FMN1: variants seen among roughly 807,000 people sequenced by gnomAD.
FMN1 encodes formin 1.
Under a neutral mutation model 132.4 loss-of-function variants are expected in FMN1, and 110 were observed. The observed-to-expected ratio is 0.83, with a 90% confidence interval of 0.71 to 0.97. The LOEUF (loss-of-function observed/expected upper bound fraction) is 0.97. Among genes scored for constraint, FMN1 ranks in the 50% least tolerant of loss-of-function variants. The probability of loss-of-function intolerance (pLI) is 0.00; values close to 1 mark genes in which losing one functional copy is unlikely to be tolerated. For synonymous variants in FMN1, 722 were observed against 651.7 expected (o/e 1.11, Z -1.64); for missense variants, 1,792 against 1,705.3 (o/e 1.05, Z -0.90).
chr15:32,914,343 G>A (rs760208218), intron 10 of FMN1, among the ~76,000 whole-genome samples: 6 of 152,140 alleles, frequency 3.9e-5, no homozygotes, highest in Non-Finnish European at 8.8e-5. Context: ...ACGTGCCAGT[G>A]AACGTAAACT....
intron 7 of FMN1, among the ~76,000 whole-genome samples, chr15:32,988,055 T>C (rs2033185677): frequency 6.7e-6 from 1 of 149,852 alleles, no homozygotes; most frequent in East Asian, 2.0e-4. Context: ...TCCAGTTTTT[T>C]TTTTTTTTTT....
intron 7 of FMN1, among the ~76,000 whole-genome samples, chr15:32,972,198 C>G (rs545126147): frequency 6.6e-6 from 1 of 152,334 alleles, no homozygotes; most frequent in African/African-American, 2.4e-5. Context: ...CCTGGCAGAT[C>G]AGAGCCCAGT....
chr15:33,152,085 C>A (rs1964460960), intron 4 of FMN1, among the ~76,000 whole-genome samples: 1 of 152,154 alleles, frequency 6.6e-6, no homozygotes, highest in Admixed American at 6.5e-5. Context: ...ATATTAGGAG[C>A]TATTCCCTAG....
chr15:33,055,528 A>G (rs1233553589), intron 6 of FMN1, among the ~76,000 whole-genome samples: 1 of 152,138 alleles, frequency 6.6e-6, no homozygotes. Flanking sequence ...TACAGCCCAG[A>G]AGGTGAAGGT....
intron 6 of FMN1, among the ~76,000 whole-genome samples, chr15:33,023,956 G>A (rs1034800649): frequency 2.6e-5 from 4 of 152,062 alleles, no homozygotes; most frequent in Non-Finnish European, 5.9e-5. Context: ...GTTGAAAGAT[G>A]GCAGGAGAAA....
intron 16 of FMN1, among the ~76,000 whole-genome samples, chr15:32,861,132 C>T (rs527541077): frequency 1.3e-5 from 2 of 152,172 alleles, no homozygotes; most frequent in South Asian, 4.2e-4. Flanking sequence ...ATTCAAATTC[C>T]AACAATTTCA....
chr15:32,814,557 AAAG>A (rs1336324860), intron 17 of FMN1, among the ~76,000 whole-genome samples: 1 of 152,240 alleles, frequency 6.6e-6, no homozygotes, highest in South Asian at 2.1e-4. Context: ...TAAATTTTTA[AAAG>A]AAGGCTTCTT....
At chr15:32,883,509 CAAAAAA>C (rs60737133) in intron 16 of FMN1, among the ~76,000 whole-genome samples, 935 of 25,766 alleles carry the variant, frequency 0.036, 1 homozygote, top group African/African-American at 0.099. Flanking sequence ...GAACCTATCT[CAAAAAA>C]AAAAAAAAAA....
chr15:32,852,439 G>A (rs532787038), intron 17 of FMN1, among the ~76,000 whole-genome samples: 3 of 152,158 alleles, frequency 2.0e-5, no homozygotes, highest in South Asian at 2.1e-4. Context: ...GCTGGAGTAC[G>A]GAGAATGATA....
chr15:33,057,605 G>C (rs1212849273), intron 6 of FMN1, among the ~76,000 whole-genome samples: 1 of 152,162 alleles, frequency 6.6e-6, no homozygotes, highest in East Asian at 1.9e-4. Flanking sequence ...TTTAGTTGAT[G>C]CTCAAACCCA....
chr15:33,126,694 C>G (rs760484844), intron 4 of FMN1, among the ~76,000 whole-genome samples: 2 of 121,832 alleles, frequency 1.6e-5, no homozygotes, highest in African/African-American at 2.8e-5. Flanking sequence ...AGACAGGAAG[C>G]GAAGGCAATA....
chr15:33,067,370 A>C (rs530285928), intron 5 of FMN1: 23 of 1,613,950 alleles, frequency 1.4e-5, no homozygotes, highest in Middle Eastern at 1.6e-4. Context: ...CTCAGATAAA[A>C]CACCACTAGG....
chr15:32,991,707 T>G (rs1420320133), intron 7 of FMN1, among the ~76,000 whole-genome samples: 1 of 152,156 alleles, frequency 6.6e-6, no homozygotes, highest in Non-Finnish European at 1.5e-5. Flanking sequence ...TTTATGGTCC[T>G]TCCGTCAGAC....
chr15:32,795,263 T>C (rs541640844), intron 19 of FMN1, among the ~76,000 whole-genome samples: 1 of 152,238 alleles, frequency 6.6e-6, no homozygotes, highest in East Asian at 1.9e-4. Context: ...TAGCTATAGA[T>C]GTTTACCGAT....
At chr15:33,071,294 A>G (rs1383604577) in intron 5 of FMN1, among the ~76,000 whole-genome samples, 2 of 152,224 alleles carry the variant, frequency 1.3e-5, no homozygotes, top group African/African-American at 4.8e-5. Context: ...AAATTCCAGT[A>G]AACCTAGCTG....
chr15:32,970,609 T>C (rs1240915267), intron 7 of FMN1: 4 of 152,208 alleles, frequency 2.6e-5, no homozygotes, highest in African/African-American at 7.2e-5. Flanking sequence ...CTAGAACACC[T>C]AAAGCATGCA....
In FMN1 at chr15:32,821,449, C is replaced by CTTT. The variant is rs34336647; in HGVS notation, c.3929-17120_3929-17118dup. Among the ~76,000 whole-genome samples, 152 of 110,802 alleles carry CTTT rather than the reference C, an allele frequency of 1.4e-3. 2 individuals are homozygous for CTTT. Among genetic ancestry groups the CTTT allele is most frequent in the Non-Finnish European group, 1.8e-3 (105 of 58,648 alleles). 72.7% of individuals were successfully genotyped at this position (110,802 alleles called of 152,430 possible). A position where few individuals can be genotyped will look rare whatever the true frequency, so the allele number is the denominator to read the frequency against. The stretch of plus-strand genomic sequence containing the variant: ...CTTTTTGACTAATAAATATTTAAAT[C>CTTT]TTTTTTTTTTTTTTTTTTTTGAGAT... On this transcript the variant is annotated intron_variant, in intron 17 of 20. Transcript: ENST00000616417.
chr15:32,990,392 G>C (rs1442426097), intron 7 of FMN1, among the ~76,000 whole-genome samples: 1 of 152,126 alleles, frequency 6.6e-6, no homozygotes, highest in Non-Finnish European at 1.5e-5. Context: ...TGACTCTCCA[G>C]GATCAGAGCA....
At chr15:32,970,517 A>T (rs540088554) in intron 7 of FMN1, among the ~76,000 whole-genome samples, 71 of 152,302 alleles carry the variant, frequency 4.7e-4, no homozygotes, top group African/African-American at 1.5e-3. Flanking sequence ...AATCACTGGG[A>T]TAGTTATATT....
Sources: gnomAD v4.1 joint callset for allele counts (sites outside exome capture counted in the v4.1 genomes callset) on GRCh38, gnomAD v4.1.1 for gene constraint, MANE v1.5 for transcripts, NCBI Gene and HGNC (gene_info 2026-07-23, HGNC 2026-07-21) for gene names.